KIRREL1: variants seen among roughly 807,000 people sequenced by gnomAD.
The protein encoded by KIRREL1 is kirre like nephrin family adhesion molecule 1.
Under a neutral mutation model 83.3 loss-of-function variants are expected in KIRREL1, and 25 were observed. The ratio of observed to expected loss-of-function variants is 0.30; its 90% CI spans 0.22 to 0.42. KIRREL1 has a LOEUF of 0.42. KIRREL1 is among the 10% of genes least tolerant of loss of function. The pLI, the probability that KIRREL1 is intolerant of heterozygous loss-of-function variation, is 1.00. For synonymous variants in KIRREL1, 388 were observed against 410.4 expected (o/e 0.95, Z 0.66); for missense variants, 812 against 1,032.3 (o/e 0.79, Z 2.92).
intron 4 of KIRREL1, among the ~76,000 whole-genome samples, chr1:158,085,522 T>A (rs1021908930): frequency 6.6e-6 from 1 of 152,232 alleles, no homozygotes; most frequent in Admixed American, 6.5e-5. Context: ...CAGGGCTACA[T>A]GTTTTTAGAT....
chr1:158,097,146 A>T lies in KIRREL1; in HGVS notation c.*2026A>T. Reference sequence around the variant, plus strand: ...GCTTCCAGCTGTATTCCATCCCTGGAAGCTGATACCTTTCTATAGAGTCCT... The same window carrying T: ...GCTTCCAGCTGTATTCCATCCCTGGTAGCTGATACCTTTCTATAGAGTCCT... On this transcript the variant is annotated 3_prime_UTR_variant, in exon 15 of 15. Transcript: ENST00000359209. 1 of 449,680 alleles carries T rather than the reference A, an allele frequency of 2.2e-6. No homozygotes were observed. The highest frequency in any genetic ancestry group is 4.5e-6 in the Non-Finnish European group (1 of 223,776). The allele number at this position is 449,680 out of a possible 1,614,324, so 27.9% of individuals were successfully genotyped here.
At chr1:158,053,851 A>C (rs965599866) in intron 1 of KIRREL1, among the ~76,000 whole-genome samples, 3 of 152,184 alleles carry the variant, frequency 2.0e-5, no homozygotes, top group Non-Finnish European at 4.4e-5. Context: ...ATTGAGCTGA[A>C]TTGATTGTTT....
chr1:158,099,967 C>G lies in KIRREL1; in HGVS notation c.*4847C>G, dbSNP rs777168903. The G allele has an allele frequency of 6.6e-6, 1 of 152,156 alleles. No homozygotes were observed. Among genetic ancestry groups the G allele is most frequent in the Non-Finnish European group, 1.5e-5 (1 of 68,024 alleles). The allele number at this position is 152,156 out of a possible 1,614,324, so 9.4% of individuals were successfully genotyped here. ...TGGTCACATTTTCTACCCAGCCATT[C>G]TTGGCATTGCAACCTCCATTTCTAG... On this transcript the variant is annotated 3_prime_UTR_variant, in exon 15 of 15. Transcript: ENST00000359209.
chr1:158,016,294 ACT>A (rs1231979465), intron 1 of KIRREL1, among the ~76,000 whole-genome samples: 5 of 97,046 alleles, frequency 5.2e-5, no homozygotes, highest in Non-Finnish European at 1.1e-4. Flanking sequence ...ACAGAGCGAG[ACT>A]CTGTCTCAAA....
At chr1:158,069,088 T>A (rs1661435202) in intron 1 of KIRREL1, among the ~76,000 whole-genome samples, 1 of 151,960 alleles carries the variant, frequency 6.6e-6, no homozygotes, top group Non-Finnish European at 1.5e-5. Flanking sequence ...CTTGGCCCCA[T>A]TCCCTCTCTG....
chr1:158,066,658 G>C (rs1187932763), intron 1 of KIRREL1, among the ~76,000 whole-genome samples: 1 of 152,188 alleles, frequency 6.6e-6, no homozygotes, highest in Admixed American at 6.5e-5. Context: ...TGCAGGGCCT[G>C]GATGGAGAGG....
chr1:158,014,172 G>A (rs1209669306), intron 1 of KIRREL1, among the ~76,000 whole-genome samples: 1 of 151,928 alleles, frequency 6.6e-6, no homozygotes, highest in Admixed American at 6.6e-5. Flanking sequence ...GGAAGGTAAA[G>A]GGAAGGGGGA....
intron 1 of KIRREL1, among the ~76,000 whole-genome samples, chr1:158,040,101 T>C (rs534518630): frequency 6.6e-6 from 1 of 152,346 alleles, no homozygotes; most frequent in South Asian, 2.1e-4. Context: ...CTTTCCTTCA[T>C]TATTGCTCAT....
chr1:158,070,354 C>T (rs1333072926), intron 1 of KIRREL1, among the ~76,000 whole-genome samples: 2 of 152,202 alleles, frequency 1.3e-5, no homozygotes, highest in Non-Finnish European at 2.9e-5. Flanking sequence ...GCCTTATTTC[C>T]CTTTTCTATA....
intron 1 of KIRREL1, among the ~76,000 whole-genome samples, chr1:158,031,821 T>A (rs1485696446): frequency 1.3e-5 from 2 of 152,186 alleles, no homozygotes; most frequent in African/African-American, 2.4e-5. Context: ...CAATGGCTCA[T>A]ACCTGTAATC....
At chr1:158,043,450 G>A (rs1478246887) in intron 1 of KIRREL1, among the ~76,000 whole-genome samples, 3 of 152,122 alleles carry the variant, frequency 2.0e-5, no homozygotes, top group East Asian at 1.9e-4. Flanking sequence ...CACCCCAGGC[G>A]GGATCAGATA....
chr1:158,065,169 A>T (rs903425122), intron 1 of KIRREL1, among the ~76,000 whole-genome samples: 2 of 152,186 alleles, frequency 1.3e-5, no homozygotes, highest in Middle Eastern at 3.4e-3. Context: ...TTCTGAGTTG[A>T]GGCTGTTTAT....
intron 10 of KIRREL1, among the ~76,000 whole-genome samples, chr1:158,090,430 G>A (rs1052921666): frequency 1.3e-5 from 2 of 152,196 alleles, no homozygotes; most frequent in Non-Finnish European, 2.9e-5. Flanking sequence ...ACTATTAACT[G>A]TCAAACCCCT....
chr1:158,027,775 A>G (rs1203562987), intron 1 of KIRREL1, among the ~76,000 whole-genome samples: 1 of 152,206 alleles, frequency 6.6e-6, no homozygotes, highest in Admixed American at 6.5e-5. Flanking sequence ...GGTCCTCAAT[A>G]TGTTTGTGTT....
chr1:158,005,776 C>T (rs918358959), intron 1 of KIRREL1, among the ~76,000 whole-genome samples: 3 of 152,256 alleles, frequency 2.0e-5, no homozygotes, highest in Admixed American at 6.5e-5. Flanking sequence ...CAGCATCTCA[C>T]ACTCACATAG....
intron 1 of KIRREL1, among the ~76,000 whole-genome samples, chr1:158,065,268 G>T (rs1238672310): frequency 6.6e-6 from 1 of 152,144 alleles, no homozygotes. Context: ...AGCCTGTTGC[G>T]GGGACCCAGG....
chr1:158,068,767 T>G (rs1661424993), intron 1 of KIRREL1, among the ~76,000 whole-genome samples: 1 of 151,780 alleles, frequency 6.6e-6, no homozygotes. Flanking sequence ...CTCTGGCTGT[T>G]GTATTTTTCA....
chr1:158,043,768 G>A (rs1407796778), intron 1 of KIRREL1, among the ~76,000 whole-genome samples: 1 of 152,134 alleles, frequency 6.6e-6, no homozygotes, highest in Admixed American at 6.5e-5. Flanking sequence ...ACTGGGGGTG[G>A]GGGTGCGGCA....
chr1:158,050,143 A>G (rs76196519), intron 1 of KIRREL1, among the ~76,000 whole-genome samples: 2,230 of 152,244 alleles, frequency 0.015, 35 homozygotes, highest in Non-Finnish European at 0.023. Flanking sequence ...GATTATCTAC[A>G]ACATTTGGCG....
Sources: allele counts gnomAD v4.1 joint callset (sites outside exome capture counted in the v4.1 genomes callset), GRCh38; gene constraint gnomAD v4.1.1; transcripts MANE v1.5; gene names NCBI Gene and HGNC (gene_info 2026-07-23, HGNC 2026-07-21).